Variants in DIAPH1 observed in about 807,000 individuals in gnomAD.
DIAPH1 encodes the protein diaphanous related formin 1, also known as protein diaphanous homolog 1.
A neutral mutation model predicts 140.7 loss-of-function variants in DIAPH1; 46 were observed. That is an observed-to-expected ratio of 0.33 (90% CI 0.26 to 0.42). DIAPH1 has a LOEUF of 0.42. Ranked by LOEUF, DIAPH1 falls within the 10% of genes least tolerant of loss-of-function variation. DIAPH1 has a pLI of 1.00. For missense variants in DIAPH1, 1,310 were observed against 1,558.7 expected (o/e 0.84, Z 2.69); for synonymous variants, 565 against 551.6 (o/e 1.02, Z -0.34).
At chr5:141,610,311 GTT>G (rs775042562) in intron 1 of DIAPH1, among the ~76,000 whole-genome samples, 3 of 149,074 alleles carry the variant, frequency 2.0e-5, no homozygotes, top group Non-Finnish European at 3.0e-5. Context: ...TTTTTGTTTT[GTT>G]TTGTTTTTGA....
chr5:141,564,485 T>C (rs548458500), intron 18 of DIAPH1: 2 of 152,248 alleles, frequency 1.3e-5, no homozygotes, highest in Non-Finnish European at 2.9e-5. Flanking sequence ...CTTAATTCCT[T>C]TACCTGATGA....
chr5:141,579,065 C>A, intron 9 of DIAPH1, 23 bp downstream of exon 9: 1 of 1,557,580 alleles, frequency 6.4e-7, no homozygotes, highest in Non-Finnish European at 8.9e-7. Context: ...ATTCTTGGGC[C>A]CAGTTTCAGG....
In DIAPH1 at chr5:141,573,713, T is replaced by C. The variant is rs764305772; in HGVS notation, c.2137A>G (p.Met713Val). The C allele has an allele frequency of 2.2e-5, 32 of 1,475,400 alleles. No homozygotes were observed. The Admixed American group carries it at 4.7e-4, about 22-fold the overall frequency. The allele number at this position is 1,475,400 out of a possible 1,614,324, so 91.4% of individuals were successfully genotyped here. A position where few individuals can be genotyped will look rare whatever the true frequency, so the allele number is the denominator to read the frequency against. ...GGAAGAGGGGGAGGAGGAGGTGGCA[T>C]TCCTGCTTCTCCAGGCAAGGGAGGA... The part of the protein sequence containing the change: ...PPPPLPGEAG[M>V]PPPPPPLPGG... Residue 713 changes from methionine (M) to valine (V), a missense_variant, in exon 16 of 28, where the codon ATG (methionine) becomes GTG (valine). By Grantham distance (21) the Met-to-Val change is conservative. Around this residue, in one of 3 missense-constraint regions of DIAPH1, gnomAD observed 589 missense variants for 549.3 expected, o/e 1.07. Transcript: ENST00000389054.
At chr5:141,605,150 C>T (rs1036469228) in intron 1 of DIAPH1, among the ~76,000 whole-genome samples, 12 of 152,054 alleles carry the variant, frequency 7.9e-5, no homozygotes, top group African/African-American at 2.9e-4. Flanking sequence ...TTTTTATATA[C>T]ATTTGTATTT....
chr5:141,605,481 C>T (rs2099900782), intron 1 of DIAPH1, among the ~76,000 whole-genome samples: 1 of 152,160 alleles, frequency 6.6e-6, no homozygotes, highest in Non-Finnish European at 1.5e-5. Context: ...ACATCATCAT[C>T]CAATTACCAT....
intron 1 of DIAPH1, among the ~76,000 whole-genome samples, chr5:141,605,472 C>T (rs1206499947): frequency 6.6e-6 from 1 of 152,046 alleles, no homozygotes. Flanking sequence ...AAAAGCAAAA[C>T]ATCATCATCC....
At position 141,579,074 on chromosome 5, in the gene DIAPH1, G is replaced by A. The variant is rs769511564; in HGVS notation, c.933+14C>T. On this transcript the variant is annotated intron_variant, in intron 9 of 27. Coordinates refer to ENST00000389054, the MANE Select transcript of DIAPH1 (RefSeq NM_005219.5). ...AATTCTATTCTTGGGCCCAGTTTCA[G>A]GGGATATACATGCCTTCAGTGCAAT... is the stretch of plus-strand genomic sequence containing the variant. 3.8e-6 allele frequency: 6 copies of A among 1,594,104 alleles called. No individual in the cohort carries two copies. Among genetic ancestry groups the A allele is most frequent in the Non-Finnish European group, 5.2e-6 (6 of 1,161,722 alleles).
intron 1 of DIAPH1, among the ~76,000 whole-genome samples, chr5:141,613,353 T>G (rs1186910059): frequency 6.6e-6 from 1 of 152,200 alleles, no homozygotes; most frequent in Non-Finnish European, 1.5e-5. Flanking sequence ...ATCTCACAGC[T>G]TCTAGTATAT....
At chr5:141,586,008 C>T (rs2099897486) in intron 3 of DIAPH1, among the ~76,000 whole-genome samples, 1 of 152,150 alleles carries the variant, frequency 6.6e-6, no homozygotes, top group Non-Finnish European at 1.5e-5. Context: ...CACTACTAGG[C>T]AAGTATTCCC....
chr5:141,580,745 T>A lies in DIAPH1; in HGVS notation c.823A>T (p.Met275Leu). ...ALCILPQPED[M>L]NERVLEAMTE... The stretch of plus-strand genomic sequence containing the variant: ...AGAAAAATTATTCCAGTCACATACA[T>A]GTCCTCTGGCTGCGGTAGAATACAA... The change falls in exon 8 of 28, where the codon ATG becomes TTG. Residue 275 changes from methionine (M) to leucine (L), a missense_variant and splice_region_variant. Physicochemically the swap from Met to Leu is conservative, Grantham distance 15. Around this residue, in one of 3 missense-constraint regions of DIAPH1, gnomAD observed 377 missense variants for 497.1 expected, o/e 0.76. Coordinates refer to ENST00000389054, the MANE Select transcript of DIAPH1 (RefSeq NM_005219.5). The A allele has an allele frequency of 1.2e-6, 2 of 1,613,958 alleles. No homozygotes were observed. Among genetic ancestry groups the A allele is most frequent in the Non-Finnish European group, 1.7e-6 (2 of 1,180,000 alleles).
At chr5:141,544,987 G>A (rs1188101027) in intron 18 of DIAPH1, among the ~76,000 whole-genome samples, 2 of 152,110 alleles carry the variant, frequency 1.3e-5, no homozygotes, top group Non-Finnish European at 1.5e-5. Context: ...CCAAAAACTG[G>A]ATACAACCCA....
intron 1 of DIAPH1, among the ~76,000 whole-genome samples, chr5:141,603,168 C>G (rs2099900425): frequency 1.3e-5 from 2 of 152,176 alleles, no homozygotes; most frequent in Non-Finnish European, 2.9e-5. Flanking sequence ...TCTCCATGAC[C>G]ACTGAGGAAA....
intron 18 of DIAPH1, among the ~76,000 whole-genome samples, chr5:141,570,366 TAA>T (rs1396585574): frequency 6.6e-6 from 1 of 152,202 alleles, no homozygotes; most frequent in African/African-American, 2.4e-5. Flanking sequence ...GTATTTTAAT[TAA>T]GAGAGTGGAA....
At chr5:141,527,132 G>A (rs901381347) in intron 24 of DIAPH1, among the ~76,000 whole-genome samples, 1 of 152,102 alleles carries the variant, frequency 6.6e-6, no homozygotes, top group Non-Finnish European at 1.5e-5. Flanking sequence ...TACAGGCAGG[G>A]GAGTTGGTGG....
chr5:141,517,981 C>A (rs1239247530), intron 27 of DIAPH1, among the ~76,000 whole-genome samples: 1 of 152,212 alleles, frequency 6.6e-6, no homozygotes, highest in Non-Finnish European at 1.5e-5. Context: ...TCCCATGCCC[C>A]AGAACAGCAC....
intron 19 of DIAPH1, among the ~76,000 whole-genome samples, chr5:141,532,932 C>T (rs1307038571): frequency 6.6e-6 from 1 of 152,188 alleles, no homozygotes; most frequent in Non-Finnish European, 1.5e-5. Flanking sequence ...GGAACTGACT[C>T]ACAATACTTT....
intron 1 of DIAPH1, among the ~76,000 whole-genome samples, chr5:141,598,530 T>A (rs2099899670): frequency 6.6e-6 from 1 of 152,166 alleles, no homozygotes; most frequent in Non-Finnish European, 1.5e-5. Flanking sequence ...ACTAAGACCA[T>A]CCATCAACAT....
chr5:141,585,485 A>AT (rs1004534207), intron 3 of DIAPH1, among the ~76,000 whole-genome samples: 6 of 151,556 alleles, frequency 4.0e-5, no homozygotes, highest in South Asian at 2.1e-4. Context: ...TTTTTCAACA[A>AT]TTTTTTTTTA....
At position 141,529,696 on chromosome 5, in the gene DIAPH1, T is replaced by C; in HGVS notation, c.2583A>G (p.Ser861=). Residue 861 remains serine, a splice_region_variant and synonymous_variant, in exon 20 of 28, where the codon TCA becomes TCG. Transcript: ENST00000389054. ...VLDSKTAQNL[S]IFLGSFRMPY... ...GCATGCGGAAGGAACCCAAAAAGATTGCTGCCAGAAAATGAGATATTAAGA... is the reference window on the plus strand; with the variant it reads ...GCATGCGGAAGGAACCCAAAAAGATCGCTGCCAGAAAATGAGATATTAAGA... The C allele has an allele frequency of 6.2e-7, 1 of 1,613,716 alleles. No individual in the cohort carries two copies. Among genetic ancestry groups the C allele is most frequent in the Non-Finnish European group, 8.5e-7 (1 of 1,179,638 alleles).
Sources: gnomAD v4.1 joint callset for allele counts (sites outside exome capture counted in the v4.1 genomes callset) on GRCh38, gnomAD v4.1.1 for gene constraint, gnomAD v4.1.1 regional missense constraint, MANE v1.5 for transcripts, NCBI Gene and HGNC (gene_info 2026-07-23, HGNC 2026-07-21) for gene names.